The following IMPG1 variants were observed in gnomAD, a reference collection of about 807,000 sequenced individuals.
IMPG1 encodes the protein interphotoreceptor matrix proteoglycan of 150 kDa.
IMPG1 carries 85 observed loss-of-function variants against 92.0 expected under a neutral mutation model. The ratio of observed to expected loss-of-function variants is 0.92; its 90% CI spans 0.78 to 1.11. The LOEUF (loss-of-function observed/expected upper bound fraction) is 1.11, where lower values mean the gene tolerates loss of function less well. IMPG1 is among the 50% of genes least tolerant of loss of function. The pLI is 0.00. For missense variants in IMPG1, 1,022 were observed against 956.0 expected (o/e 1.07, Z -0.91); for synonymous variants, 367 against 334.1 (o/e 1.10, Z -1.08).
chr6:75,972,217 T>G (rs1158394575), intron 12 of IMPG1, among the ~76,000 whole-genome samples: 1 of 152,202 alleles, frequency 6.6e-6, no homozygotes, highest in African/African-American at 2.4e-5. Context: ...ATATTAGCAG[T>G]GTCCACCCAT....
At chr6:75,989,150 A>G (rs1475625170) in intron 12 of IMPG1, among the ~76,000 whole-genome samples, 1 of 152,094 alleles carries the variant, frequency 6.6e-6, no homozygotes, top group African/African-American at 2.4e-5. Flanking sequence ...GTGCAATGGC[A>G]TGATCATAGC....
chr6:76,063,847 A>T (rs1303754492), intron 1 of IMPG1, among the ~76,000 whole-genome samples: 1 of 152,174 alleles, frequency 6.6e-6, no homozygotes, highest in Non-Finnish European at 1.5e-5. Flanking sequence ...GCAGTGCACC[A>T]AGGGAGCACC....
intron 14 of IMPG1, among the ~76,000 whole-genome samples, chr6:75,937,325 A>C (rs896097661): frequency 6.6e-6 from 1 of 152,118 alleles, no homozygotes. Context: ...CATTTGGCGA[A>C]GTGTAGAAAC....
intron 5 of IMPG1, among the ~76,000 whole-genome samples, chr6:76,024,086 A>C (rs977991624): frequency 1.3e-5 from 2 of 152,156 alleles, no homozygotes; most frequent in Admixed American, 1.3e-4. Flanking sequence ...AATGCATTTT[A>C]CTGTCATTTT....
intron 4 of IMPG1, among the ~76,000 whole-genome samples, chr6:76,026,048 C>G (rs1445736426): frequency 1.3e-5 from 2 of 152,094 alleles, no homozygotes; most frequent in African/African-American, 4.8e-5. Flanking sequence ...GAGCCTGGCC[C>G]CTCCTCTTCC....
chr6:75,997,288 G>A (rs1009739463), intron 12 of IMPG1, among the ~76,000 whole-genome samples: 18 of 152,202 alleles, frequency 1.2e-4, no homozygotes, highest in Admixed American at 1.0e-3. Context: ...GAAAGAACAG[G>A]CAAAAATATT....
intron 12 of IMPG1, among the ~76,000 whole-genome samples, chr6:75,977,302 A>G (rs1314292948): frequency 6.6e-6 from 1 of 152,022 alleles, no homozygotes; most frequent in East Asian, 1.9e-4. Flanking sequence ...CTAAAGACTT[A>G]AGCCGCCAGG....
In IMPG1 at chr6:75,922,153, C is replaced by G; in HGVS notation, c.2330G>C (p.Arg777Thr). 2 of 1,347,592 alleles carry G rather than the reference C, an allele frequency of 1.5e-6. No homozygotes were observed. The highest frequency in any genetic ancestry group is 2.1e-6 in the Non-Finnish European group (2 of 950,602). The allele number at this position is 1,347,592 out of a possible 1,614,324, so 83.5% of individuals were successfully genotyped here. A position where few individuals can be genotyped will look rare whatever the true frequency, so the allele number is the denominator to read the frequency against. ...NQQNNKVISK[R>T]NSELLTVEYE... ...TTCTACGGTCAGTAATTCAGAATTT[C>G]TTTTACTGATTACCTGAAAGAGAAA... The change falls in exon 17 of 17, where the codon AGA becomes ACA. Residue 777 changes from arginine to threonine, a missense_variant. Physicochemically the swap from Arg to Thr is moderately conservative, Grantham distance 71 (BLOSUM62 -1). Coordinates refer to ENST00000369950, the MANE Select transcript of IMPG1 (RefSeq NM_001563.4).
intron 12 of IMPG1, among the ~76,000 whole-genome samples, chr6:75,967,331 G>A (rs1782323841): frequency 6.6e-6 from 1 of 152,160 alleles, no homozygotes; most frequent in South Asian, 2.1e-4. Flanking sequence ...ATGATTAAGA[G>A]GTTGGGCCTT....
chr6:75,944,374 C>G (rs1781887063), intron 14 of IMPG1, among the ~76,000 whole-genome samples: 1 of 152,142 alleles, frequency 6.6e-6, no homozygotes, highest in Admixed American at 6.5e-5. Flanking sequence ...TTGGATTTAC[C>G]CATTTGGATT....
chr6:75,951,290 G>A (rs1782027168), intron 12 of IMPG1, among the ~76,000 whole-genome samples, 196 bp from the exon 13 acceptor site: 2 of 152,018 alleles, frequency 1.3e-5, no homozygotes, highest in Middle Eastern at 3.4e-3. Flanking sequence ...CCAACCTAGG[G>A]AGACAAAGAG....
intron 9 of IMPG1, among the ~76,000 whole-genome samples, 197 bp downstream of exon 9, chr6:76,007,283 T>C (rs1441896833): frequency 6.6e-6 from 1 of 152,004 alleles, no homozygotes; most frequent in Non-Finnish European, 1.5e-5. Flanking sequence ...GTATCCCACA[T>C]AGTGACTTTG....
chr6:76,016,701 G>C (rs1040468839), intron 7 of IMPG1, among the ~76,000 whole-genome samples: 22 of 152,324 alleles, frequency 1.4e-4, no homozygotes, highest in African/African-American at 5.3e-4. Flanking sequence ...AGTAAGATTC[G>C]TGTGCACTCC....
intron 15 of IMPG1, among the ~76,000 whole-genome samples, chr6:75,926,359 C>T (rs543492647): frequency 6.6e-6 from 1 of 152,154 alleles, no homozygotes; most frequent in Non-Finnish European, 1.5e-5. Flanking sequence ...GGAGAAAGAG[C>T]TCCAAAGGGA....
chr6:76,057,518 C>A (rs957813861), intron 1 of IMPG1, among the ~76,000 whole-genome samples: 1 of 152,088 alleles, frequency 6.6e-6, no homozygotes, highest in African/African-American at 2.4e-5. Context: ...AGTATAAGCA[C>A]CCCGGCTAGA....
chr6:76,052,333 C>T (rs1045382887), intron 1 of IMPG1, among the ~76,000 whole-genome samples: 6 of 152,174 alleles, frequency 3.9e-5, no homozygotes, highest in Non-Finnish European at 8.8e-5. Flanking sequence ...GAGGAGTGTT[C>T]TTTCTCAAAG....
rs368654002 is a variant in IMPG1, at chr6:76,025,237, C to T, written c.519G>A (p.Glu173=). Reference sequence around the variant, plus strand: ...TTTCACCAGGCTCTCCCAATGTCTTCTCTGCAGATATTTCATCTTTTCTAT... The same window carrying T: ...TTTCACCAGGCTCTCCCAATGTCTTTTCTGCAGATATTTCATCTTTTCTAT... ...FPDRKDEISA[E]KTLGEPGETI... Residue 173 remains glutamate, a synonymous_variant, in exon 5 of 17, where the codon GAG becomes GAA. Coordinates refer to ENST00000369950, the MANE Select transcript of IMPG1 (RefSeq NM_001563.4). The T allele has an allele frequency of 6.3e-7, 1 of 1,597,618 alleles. No homozygotes were observed. Among genetic ancestry groups the T allele is most frequent in the Non-Finnish European group, 8.6e-7 (1 of 1,166,418 alleles).
intron 1 of IMPG1, among the ~76,000 whole-genome samples, chr6:76,064,148 C>T (rs905045911): frequency 6.6e-6 from 1 of 152,008 alleles, no homozygotes; most frequent in Admixed American, 6.6e-5. Context: ...TAAAGGACAG[C>T]CATTCTAGGG....
chr6:76,034,525 C>G, intron 3 of IMPG1, 96 bp downstream of exon 3: 2 of 1,366,226 alleles, frequency 1.5e-6, no homozygotes, highest in African/African-American at 1.4e-5. Flanking sequence ...TTCAATTAAC[C>G]CTTACGTTGT....
Sources: allele counts gnomAD v4.1 joint callset (sites outside exome capture counted in the v4.1 genomes callset), GRCh38; gene constraint gnomAD v4.1.1; transcripts MANE v1.5; gene names NCBI Gene and HGNC (gene_info 2026-07-23, HGNC 2026-07-21).